LRP1B: variants seen among roughly 807,000 people sequenced by gnomAD.
LRP1B encodes low-density lipoprotein receptor-related protein 1B.
LRP1B carries 217 observed loss-of-function variants against 556.6 expected under a neutral mutation model. The ratio of observed to expected loss-of-function variants is 0.39; its 90% CI spans 0.35 to 0.44. The LOEUF (loss-of-function observed/expected upper bound fraction) is 0.44. Ranked by LOEUF, LRP1B falls within the 20% of genes least tolerant of loss-of-function variation. LRP1B has a pLI of 1.00. For missense variants in LRP1B, 5,053 were observed against 5,620.8 expected (o/e 0.90, Z 3.23); for synonymous variants, 2,047 against 1,865.8 (o/e 1.10, Z -2.50).
At chr2:141,307,621 G>A (rs919651473) in intron 3 of LRP1B, among the ~76,000 whole-genome samples, 1 of 152,040 alleles carries the variant, frequency 6.6e-6, no homozygotes, top group African/African-American at 2.4e-5. Context: ...CCAAGGTTAG[G>A]ATGCAGTTGT....
chr2:140,913,857 T>C lies in LRP1B; in HGVS notation c.3320-5780A>G, dbSNP rs192501955. Reference sequence around the variant, plus strand: ...AGTTTAATGTGTGATTTTTGGGAGGTAATTTTGAACATAACGCAGTTTTAC... The same window carrying C: ...AGTTTAATGTGTGATTTTTGGGAGGCAATTTTGAACATAACGCAGTTTTAC... On this transcript the variant is annotated intron_variant, in intron 21 of 90. Transcript: ENST00000389484. Among the ~76,000 whole-genome samples, 360 of 152,192 alleles carry C rather than the reference T, an allele frequency of 2.4e-3. 3 individuals carry two copies. The highest frequency in any genetic ancestry group is 4.2e-3 in the Non-Finnish European group (283 of 67,972).
intron 17 of LRP1B, 28 bp downstream of exon 17, chr2:140,989,504 T>G (rs1277565246): frequency 6.2e-7 from 1 of 1,611,186 alleles, no homozygotes; most frequent in East Asian, 2.2e-5. Context: ...TGGAGGAGAT[T>G]TACGTGTATA....
intron 3 of LRP1B, among the ~76,000 whole-genome samples, chr2:141,347,496 A>T (rs1027521429): frequency 2.6e-5 from 4 of 152,064 alleles, no homozygotes; most frequent in African/African-American, 9.7e-5. Flanking sequence ...GGGAACTATA[A>T]GAAAAATAAT....
At chr2:141,397,399 C>T (rs1215334055) in intron 3 of LRP1B, among the ~76,000 whole-genome samples, 3 of 150,992 alleles carry the variant, frequency 2.0e-5, no homozygotes, top group Admixed American at 2.0e-4. Flanking sequence ...TCTATGTATC[C>T]ACCCTTAATA....
chr2:141,619,580 C>G (rs1315993065), intron 2 of LRP1B, among the ~76,000 whole-genome samples: 1 of 152,132 alleles, frequency 6.6e-6, no homozygotes, highest in African/African-American at 2.4e-5. Context: ...GAAATTTTCT[C>G]TCTTAAAAAT....
Position 142,031,334 on chromosome 2 carries a change from T to TTTTTTTTA in LRP1B, c.82+99313_82+99314insTAAAAAAA, listed in dbSNP as rs1553506174. Among the ~76,000 whole-genome samples the TTTTTTTTA allele has an allele frequency of 1.8e-4, 22 of 121,592 alleles. 1 individual carries two copies. The highest frequency in any genetic ancestry group is 3.5e-4 in the Non-Finnish European group (20 of 57,930). 79.8% of individuals were successfully genotyped at this position (121,592 alleles called of 152,430 possible). A position where few individuals can be genotyped will look rare whatever the true frequency, so the allele number is the denominator to read the frequency against. ...AGAGAAAGGTTGATTATACTTATTT[T>TTTTTTTTA]TTTTTTTTTTTTTTATTATACTCTA... is the stretch of plus-strand genomic sequence containing the variant. On this transcript the variant is annotated intron_variant, in intron 1 of 90. Transcript: ENST00000389484.
chr2:141,917,881 T>C (rs1222716091), intron 1 of LRP1B, among the ~76,000 whole-genome samples: 1 of 152,198 alleles, frequency 6.6e-6, no homozygotes, highest in Non-Finnish European at 1.5e-5. Flanking sequence ...AGTAGAATAA[T>C]GTTTATTGCA....
Position 141,638,898 on chromosome 2 carries a change from T to C in LRP1B, c.206-158365A>G, listed in dbSNP as rs772605570. Among the ~76,000 whole-genome samples, 29 of 39,050 alleles carry C rather than the reference T, an allele frequency of 7.4e-4. 3 individuals carry two copies. The highest frequency in any genetic ancestry group is 6.0e-3 in the East Asian group (12 of 1,998). The allele number at this position is 39,050 out of a possible 152,430, so 25.6% of individuals were successfully genotyped here. A position where few individuals can be genotyped will look rare whatever the true frequency, so the allele number is the denominator to read the frequency against. On this transcript the variant is annotated intron_variant, in intron 2 of 90. Coordinates refer to ENST00000389484, the MANE Select transcript of LRP1B (RefSeq NM_018557.3). ...ATATATATATGTGTGTGTATGTGCG[T>C]GTGTGTGTGTGTGTGTATACATACA...
intron 5 of LRP1B, among the ~76,000 whole-genome samples, chr2:141,244,210 T>C (rs1233873754): frequency 1.3e-5 from 2 of 152,214 alleles, no homozygotes; most frequent in Non-Finnish European, 2.9e-5. Flanking sequence ...TATCATCTTG[T>C]ACTGTCTTTG....
intron 7 of LRP1B, among the ~76,000 whole-genome samples, chr2:141,178,030 G>T (rs1042960908): frequency 2.0e-5 from 3 of 152,078 alleles, no homozygotes; most frequent in Non-Finnish European, 2.9e-5. Context: ...ATGGTTATTG[G>T]TATGTAGAAG....
intron 3 of LRP1B, among the ~76,000 whole-genome samples, chr2:141,455,473 C>A (rs1681596473): frequency 1.3e-5 from 2 of 151,872 alleles, no homozygotes; most frequent in South Asian, 4.2e-4. Flanking sequence ...ATAGCAGACA[C>A]CGCAGAAGAT....
chr2:141,911,756 T>C (rs1262809424), intron 1 of LRP1B, among the ~76,000 whole-genome samples: 1 of 152,132 alleles, frequency 6.6e-6, no homozygotes, highest in Admixed American at 6.6e-5. Context: ...GGCATTTTCT[T>C]TACTTCCTCT....
At chr2:141,472,228 T>C (rs1216106724) in intron 3 of LRP1B, among the ~76,000 whole-genome samples, 1 of 152,158 alleles carries the variant, frequency 6.6e-6, no homozygotes, top group African/African-American at 2.4e-5. Context: ...GTGGGAGCAA[T>C]GGATACATGT....
chr2:140,768,133 G>T (rs2104931735), intron 35 of LRP1B, among the ~76,000 whole-genome samples: 1 of 151,908 alleles, frequency 6.6e-6, no homozygotes, highest in South Asian at 2.1e-4. Flanking sequence ...TTAAACATTT[G>T]CCTCTATCCA....
At position 140,702,163 on chromosome 2, in the gene LRP1B, C is replaced by A. The variant is rs1194864758; in HGVS notation, c.6280G>T (p.Ala2094Ser). 2 of 1,613,366 alleles carry A rather than the reference C, an allele frequency of 1.2e-6. No individual in the cohort carries two copies. Among genetic ancestry groups the A allele is most frequent in the East Asian group, 4.5e-5 (2 of 44,870 alleles). ...TACCTGTCAGACCAGTAGATGTAAG[C>A]CCCAAAGACTGCAACTGAAAACATA... is the stretch of plus-strand genomic sequence containing the variant. ...VDMFSVAVFG[A>S]YIYWSDRAHA... Residue 2094 changes from alanine (A) to serine (S), a missense_variant, in exon 39 of 91, where the codon GCT (alanine) becomes TCT (serine). Physicochemically the swap from Ala to Ser is moderately conservative, Grantham distance 99. Transcript: ENST00000389484.
chr2:140,563,786 T>A (rs1284247339), intron 43 of LRP1B, among the ~76,000 whole-genome samples: 1 of 152,216 alleles, frequency 6.6e-6, no homozygotes, highest in African/African-American at 2.4e-5. Context: ...ACTTATTATA[T>A]CTTAATCCAG....
intron 1 of LRP1B, among the ~76,000 whole-genome samples, chr2:142,002,336 G>A (rs1442887249): frequency 1.3e-5 from 2 of 151,828 alleles, no homozygotes; most frequent in Non-Finnish European, 2.9e-5. Context: ...TTCATCAGAT[G>A]GCCTCTTTTC....
chr2:141,329,386 C>CAAA (rs3038417), intron 3 of LRP1B, among the ~76,000 whole-genome samples: 58,719 of 110,884 alleles, frequency 0.53, 15,040 homozygotes, highest in Non-Finnish European at 0.58. Flanking sequence ...AAAACTCCGT[C>CAAA]AAAAAAAAAA....
At chr2:141,384,032 T>C (rs1689739346) in intron 3 of LRP1B, among the ~76,000 whole-genome samples, 1 of 152,172 alleles carries the variant, frequency 6.6e-6, no homozygotes, top group South Asian at 2.1e-4. Context: ...AAAGCTACCA[T>C]AACTATGGCT....
Sources: gnomAD v4.1 joint callset for allele counts (sites outside exome capture counted in the v4.1 genomes callset) on GRCh38, gnomAD v4.1.1 for gene constraint, MANE v1.5 for transcripts, NCBI Gene and HGNC (gene_info 2026-07-23, HGNC 2026-07-21) for gene names.